TET2: variants seen among roughly 807,000 people sequenced by gnomAD.
TET2 encodes the protein tet methylcytosine dioxygenase 2.
TET2 carries 299 observed loss-of-function variants against 142.9 expected under a neutral mutation model. The ratio of observed to expected loss-of-function variants is 2.09; its 90% CI spans 1.90 to 2.30. The LOEUF (loss-of-function observed/expected upper bound fraction) is 2.30. TET2 is among the 30% of genes most tolerant of loss of function. The pLI is 0.00. For synonymous variants in TET2, 819 were observed against 849.0 expected (o/e 0.96, Z 0.61); for missense variants, 2,418 against 2,378.0 (o/e 1.02, Z -0.35).
intron 6 of TET2, among the ~76,000 whole-genome samples, chr4:105,248,517 GTCA>G (rs1438430328): frequency 6.6e-6 from 1 of 152,066 alleles, no homozygotes; most frequent in African/African-American, 2.4e-5. Context: ...CAAATTTCAA[GTCA>G]TATTAAAATG....
At chr4:105,241,025 ATACTACATATAATACATTC>A in intron 3 of TET2, 5 of 1,050,136 alleles carry the variant, frequency 4.8e-6, no homozygotes, top group Non-Finnish European at 5.9e-6. Context: ...ATTGTAGTTG[ATACTACATATAATACATTC>A]TAATTCCCTC....
intron 1 of TET2, among the ~76,000 whole-genome samples, chr4:105,165,594 A>G (rs980103706): frequency 6.6e-6 from 1 of 152,206 alleles, no homozygotes; most frequent in Non-Finnish European, 1.5e-5. Context: ...GGATCATATC[A>G]TGTATATCTA....
chr4:105,275,777 AT>A lies in TET2; in HGVS notation c.5268del (p.His1757IlefsTer6). 6.4e-7 allele frequency: 1 copy of A among 1,551,742 alleles called. No individual in the cohort carries two copies. The highest frequency in any genetic ancestry group is 2.0e-5 in the Admixed American group (1 of 51,000). On this transcript the variant is annotated frameshift_variant, in exon 11 of 11. Coordinates refer to ENST00000380013, the MANE Select transcript of TET2 (RefSeq NM_001127208.3). LOFTEE classifies it low-confidence loss of function (END_TRUNC). ...AACATGGACTATAAAAATGGTGAACATCATTCACCTTCTCACATAATCCATA... is the reference window on the plus strand; with the variant it reads ...AACATGGACTATAAAAATGGTGAACACATTCACCTTCTCACATAATCCATA... ...NPNMDYKNGE[H>X]HSPSHIIHNY...
intron 2 of TET2, among the ~76,000 whole-genome samples, chr4:105,217,101 A>T (rs952779151): frequency 6.6e-6 from 1 of 151,994 alleles, no homozygotes; most frequent in African/African-American, 2.4e-5. Flanking sequence ...TGTCAGCACT[A>T]TGCAACACTA....
At chr4:105,192,960 G>A (rs1215423457) in intron 2 of TET2, among the ~76,000 whole-genome samples, 1 of 152,132 alleles carries the variant, frequency 6.6e-6, no homozygotes, top group African/African-American at 2.4e-5. Context: ...GCAGGTAGTG[G>A]AGAACAGCCA....
At chr4:105,215,368 T>C (rs1727432981) in intron 2 of TET2, among the ~76,000 whole-genome samples, 2 of 152,184 alleles carry the variant, frequency 1.3e-5, no homozygotes, top group African/African-American at 4.8e-5. Flanking sequence ...TGTCAGACCA[T>C]GAAATAATGT....
chr4:105,257,385 T>G (rs1374313971), intron 6 of TET2, among the ~76,000 whole-genome samples: 6 of 152,196 alleles, frequency 3.9e-5, no homozygotes, highest in African/African-American at 1.4e-4. Context: ...TTTTAACTAC[T>G]CCTATAAAGT....
chr4:105,278,780 G>C lies in TET2; in HGVS notation c.*2261G>C, dbSNP rs553235528. 3.0e-5 allele frequency: 7 copies of C among 232,980 alleles called. No homozygotes were observed. Among genetic ancestry groups the C allele is most frequent in the South Asian group, 1.8e-4 (1 of 5,522 alleles). 14.4% of individuals were successfully genotyped at this position (232,980 alleles called of 1,614,324 possible). On this transcript the variant is annotated 3_prime_UTR_variant, in exon 11 of 11. Coordinates refer to ENST00000380013, the MANE Select transcript of TET2 (RefSeq NM_001127208.3). The stretch of plus-strand genomic sequence containing the variant: ...CACTGAGTTGATAAAGGGAAAAATT[G>C]TAAGGCAGGAGTTTGGCAAGTGGCT...
intron 1 of TET2, among the ~76,000 whole-genome samples, chr4:105,186,396 A>T (rs1725447820): frequency 6.7e-6 from 1 of 149,710 alleles, no homozygotes; most frequent in African/African-American, 2.5e-5. Flanking sequence ...TTATCTTCTA[A>T]GTGATTTTTT....
At chr4:105,146,086 G>GGTAA (rs553765684), upstream of TET2, 641 of 152,916 alleles carry the variant, frequency 4.2e-3, 3 homozygotes, top group Non-Finnish European at 6.8e-3. Context: ...GGCCTCTGAG[G>GGTAA]GTAAGGTGGG....
rs1729289740 is a variant in TET2 at position 105,241,401 on chromosome 4, G to A, written c.3472G>A (p.Ala1158Thr). 1.3e-6 allele frequency: 2 copies of A among 1,550,420 alleles called. No individual in the cohort carries two copies. Among genetic ancestry groups the A allele is most frequent in the Admixed American group, 3.9e-5 (2 of 50,638 alleles). ...CCATCTAGGAGCAGGTCCTAATGTG[G>A]CAGCTATTAGAGAAATCATGGAAGA... ...YTHLGAGPNV[A>T]AIREIMEERF... The change falls in exon 4 of 11, where the codon GCA (alanine) becomes ACA (threonine). Residue 1158 changes from alanine to threonine, a missense_variant. Physicochemically the swap from Ala to Thr is moderately conservative, Grantham distance 58. Coordinates refer to ENST00000380013, the MANE Select transcript of TET2 (RefSeq NM_001127208.3).
At chr4:105,169,914 G>T (rs186685615) in intron 1 of TET2, among the ~76,000 whole-genome samples, 1 of 149,842 alleles carries the variant, frequency 6.7e-6, no homozygotes, top group African/African-American at 2.5e-5. Context: ...TTTCTTTCTT[G>T]GTTCTCTATC....
intron 1 of TET2, among the ~76,000 whole-genome samples, chr4:105,183,458 T>G (rs1725241430): frequency 6.6e-6 from 1 of 152,164 alleles, no homozygotes; most frequent in Non-Finnish European, 1.5e-5. Context: ...ATATATTTTT[T>G]ATCTCAAATT....
intron 2 of TET2, among the ~76,000 whole-genome samples, chr4:105,201,647 A>G (rs1265959162): frequency 6.6e-6 from 1 of 150,742 alleles, no homozygotes; most frequent in East Asian, 2.0e-4. Context: ...ATAAAGTAAT[A>G]GAAGGTTACC....
chr4:105,201,700 G>A (rs1281081982), intron 2 of TET2, among the ~76,000 whole-genome samples: 1 of 144,356 alleles, frequency 6.9e-6, no homozygotes, highest in African/African-American at 2.6e-5. Context: ...CAGTTAAAAT[G>A]GTATCATTAA....
chr4:105,217,113 A>T (rs984250042), intron 2 of TET2, among the ~76,000 whole-genome samples: 1 of 152,010 alleles, frequency 6.6e-6, no homozygotes, highest in Non-Finnish European at 1.5e-5. Flanking sequence ...GCAACACTAA[A>T]ATAACAATCA....
intron 1 of TET2, among the ~76,000 whole-genome samples, chr4:105,152,259 C>T (rs961321762): frequency 7.9e-5 from 12 of 151,622 alleles, no homozygotes; most frequent in Admixed American, 5.3e-4. Context: ...CCAGCCTGGG[C>T]GAGGCAGAGA....
chr4:105,192,095 T>G (rs1309586143), intron 2 of TET2, among the ~76,000 whole-genome samples: 1 of 152,170 alleles, frequency 6.6e-6, no homozygotes, highest in African/African-American at 2.4e-5. Context: ...AGATGGAATT[T>G]TCCTCCTTAA....
At chr4:105,201,732 CTTTTTTTTTT>C (rs70964636) in intron 2 of TET2, among the ~76,000 whole-genome samples, 2 of 63,052 alleles carry the variant, frequency 3.2e-5, no homozygotes, top group African/African-American at 6.8e-5. Flanking sequence ...CATCCAGGAC[CTTTTTTTTTT>C]TTTTTTTTTT....
Sources: allele counts gnomAD v4.1 joint callset (sites outside exome capture counted in the v4.1 genomes callset), GRCh38; gene constraint gnomAD v4.1.1; transcripts MANE v1.5; gene names NCBI Gene and HGNC (gene_info 2026-07-23, HGNC 2026-07-21).